Variants in NFKBIZ observed in about 807,000 individuals in gnomAD.
NFKBIZ encodes the protein NFKB inhibitor zeta.
Under a neutral mutation model 76.8 loss-of-function variants are expected in NFKBIZ, and 19 were observed. That is an observed-to-expected ratio of 0.25 (90% CI 0.17 to 0.36). The LOEUF (loss-of-function observed/expected upper bound fraction) is 0.36. NFKBIZ is among the 10% of genes least tolerant of loss of function. The probability of loss-of-function intolerance (pLI) is 1.00; values close to 1 mark genes in which losing one functional copy is unlikely to be tolerated. For synonymous variants in NFKBIZ, 368 were observed against 354.8 expected (o/e 1.04, Z -0.42); for missense variants, 829 against 910.9 (o/e 0.91, Z 1.16).
At chr3:101,833,791 A>G (rs564225354) in intron 2 of NFKBIZ, among the ~76,000 whole-genome samples, 3 of 152,330 alleles carry the variant, frequency 2.0e-5, no homozygotes, top group Admixed American at 1.3e-4. Flanking sequence ...CAGCATTTAG[A>G]TAAGAAAGGG....
At chr3:101,857,792 T>C in intron 11 of NFKBIZ, 2 of 985,376 alleles carry the variant, frequency 2.0e-6, no homozygotes, top group Middle Eastern at 5.2e-4. Context: ...AAGAGAATCT[T>C]AGTCTTGTAA....
rs1267998135 is a variant in NFKBIZ at position 101,860,896 on chromosome 3, G to T, written c.*1525G>T. On this transcript the variant is annotated 3_prime_UTR_variant, in exon 12 of 12. Coordinates refer to ENST00000326172, the MANE Select transcript of NFKBIZ (RefSeq NM_031419.4). ...AGATACCCTTTGGATTGATCACATT[G>T]TTTGACCCAGTATGTCTTGTAGACA... 6.7e-6 allele frequency: 1 copy of T among 150,268 alleles called. No homozygotes were observed. The highest frequency in any genetic ancestry group is 2.5e-5 in the African/African-American group (1 of 40,806). 9.3% of individuals were successfully genotyped at this position (150,268 alleles called of 1,614,324 possible). A position where few individuals can be genotyped will look rare whatever the true frequency, so the allele number is the denominator to read the frequency against.
In NFKBIZ at chr3:101,857,077, G is replaced by T. The variant is rs140077856; in HGVS notation, c.1829G>T (p.Arg610Leu). The T allele has an allele frequency of 5.9e-5, 94 of 1,602,572 alleles. No individual in the cohort carries two copies. Among genetic ancestry groups the T allele is most frequent in the Non-Finnish European group, 7.5e-5 (88 of 1,173,136 alleles). Residue 610 changes from arginine (R) to leucine (L), a missense_variant, in exon 10 of 12, where the codon CGC becomes CTC. Arg to Leu is a moderately radical substitution (Grantham distance 102). This residue lies in a region of NFKBIZ where 272 missense variants were observed against 384.2 expected (regional missense o/e 0.71). Coordinates refer to ENST00000326172, the MANE Select transcript of NFKBIZ (RefSeq NM_031419.4). ...CTCCCTCTTGCCTTTGACAAGGATC[G>T]CAAAAGTGGCCGCACAGCCCTGCAT... ...QMGAAVEAKD[R>L]KSGRTALHLA...
chr3:101,853,911 T>G, intron 5 of NFKBIZ, 48 bp downstream of exon 5: 1 of 1,555,118 alleles, frequency 6.4e-7, no homozygotes, highest in Non-Finnish European at 8.8e-7. Flanking sequence ...GCCACACTTG[T>G]TGGACTAGTG....
At chr3:101,843,768 C>T (rs908082469) in intron 2 of NFKBIZ, among the ~76,000 whole-genome samples, 3 of 152,094 alleles carry the variant, frequency 2.0e-5, no homozygotes, top group Non-Finnish European at 4.4e-5. Context: ...TTGCATTGTT[C>T]ATTTGGAAAT....
At chr3:101,857,650 A>T in intron 11 of NFKBIZ, 191 bp downstream of exon 11, 1 of 985,448 alleles carries the variant, frequency 1.0e-6, no homozygotes, top group African/African-American at 1.7e-5. Context: ...AAGAAATTTG[A>T]GGGATTATCC....
intron 6 of NFKBIZ, 91 bp downstream of exon 6, chr3:101,854,774 C>A: frequency 1.1e-6 from 1 of 908,838 alleles, no homozygotes; most frequent in Non-Finnish European, 1.7e-6. Flanking sequence ...TCTTAGAGCT[C>A]AAGATCAAGA....
intron 1 of NFKBIZ, chr3:101,850,261 C>G (rs961142288): frequency 4.2e-6 from 1 of 236,010 alleles, no homozygotes; most frequent in East Asian, 8.4e-5. Context: ...GATTTGGGGT[C>G]TGATGTAGGT....
chr3:101,828,681 AT>A (rs1472388398), intron 1 of NFKBIZ, among the ~76,000 whole-genome samples: 1 of 152,220 alleles, frequency 6.6e-6, no homozygotes, highest in South Asian at 2.1e-4. Context: ...TAAAATTAAA[AT>A]GTATGAATGG....
Position 101,849,819 on chromosome 3 carries a change from G to GCTCCGACTC in NFKBIZ, c.200_208dup (p.Ser67_Asp69dup), listed in dbSNP as rs1231347717. Reference sequence around the variant, plus strand: ...GGCCCCTCGGCGCCCGGCTCGCCCGGCTCCGACTCCTCCGACTTCTCCTCT... The same window carrying GCTCCGACTC: ...GGCCCCTCGGCGCCCGGCTCGCCCGGCTCCGACTCCTCCGACTCCTCCGACTTCTCCTCT... On this transcript the variant is annotated inframe_insertion, in exon 1 of 12. Coordinates refer to ENST00000326172, the MANE Select transcript of NFKBIZ (RefSeq NM_031419.4). The GCTCCGACTC allele has an allele frequency of 6.8e-7, 1 of 1,472,766 alleles. No individual in the cohort carries two copies. Among genetic ancestry groups the GCTCCGACTC allele is most frequent in the African/African-American group, 1.5e-5 (1 of 68,082 alleles). 91.2% of individuals were successfully genotyped at this position (1,472,766 alleles called of 1,614,324 possible). A position where few individuals can be genotyped will look rare whatever the true frequency, so the allele number is the denominator to read the frequency against.
At chr3:101,838,916 C>A (rs773835285) in intron 2 of NFKBIZ, among the ~76,000 whole-genome samples, 3 of 152,138 alleles carry the variant, frequency 2.0e-5, no homozygotes, top group Non-Finnish European at 4.4e-5. Context: ...ACCATTCTCC[C>A]AGCTGTTACA....
chr3:101,853,320 C>T lies in NFKBIZ; in HGVS notation c.794C>T (p.Pro265Leu). ...TTCCATGGAGGGCAGGTCTTTTCTCCACCTCAGAAATGCCAACCATTCCAA... is the reference window on the plus strand; with the variant it reads ...TTCCATGGAGGGCAGGTCTTTTCTCTACCTCAGAAATGCCAACCATTCCAA... ...QDFHGGQVFSPPQKCQPFQVR... is the reference protein window; with the variant it reads ...QDFHGGQVFSLPQKCQPFQVR... The change falls in exon 5 of 12, where the codon CCA becomes CTA. Residue 265 changes from proline to leucine, a missense_variant. Physicochemically the swap from Pro to Leu is moderately conservative, Grantham distance 98 (BLOSUM62 -3). Coordinates refer to ENST00000326172, the MANE Select transcript of NFKBIZ (RefSeq NM_031419.4). The T allele has an allele frequency of 2.5e-6, 4 of 1,614,158 alleles. No individual in the cohort carries two copies. The highest frequency in any genetic ancestry group is 2.2e-5 in the East Asian group (1 of 44,888).
intron 2 of NFKBIZ, among the ~76,000 whole-genome samples, chr3:101,836,419 A>G (rs1942721153): frequency 6.6e-6 from 1 of 152,206 alleles, no homozygotes; most frequent in Non-Finnish European, 1.5e-5. Context: ...TGCTTTTCTT[A>G]GCACATCATG....
intron 9 of NFKBIZ, chr3:101,856,839 C>A: frequency 2.4e-6 from 1 of 417,738 alleles, no homozygotes; most frequent in South Asian, 4.8e-5. Flanking sequence ...TATGGCCACC[C>A]TGTATAAAAA....
upstream of NFKBIZ, chr3:101,849,510 G>C (rs1576813152): frequency 2.3e-6 from 2 of 871,088 alleles, no homozygotes; most frequent in Non-Finnish European, 3.1e-6. Context: ...CCCGCGCCGC[G>C]CCCGTACTGG....
Position 101,849,706 on chromosome 3 carries a change from G to A in NFKBIZ, c.78G>A (p.Met26Ile), listed in dbSNP as rs753252484. The A allele has an allele frequency of 1.4e-6, 2 of 1,431,828 alleles. No individual in the cohort carries two copies. Among genetic ancestry groups the A allele is most frequent in the Non-Finnish European group, 1.8e-6 (2 of 1,098,598 alleles). The allele number at this position is 1,431,828 out of a possible 1,614,324, so 88.7% of individuals were successfully genotyped here. The change falls in exon 1 of 12, where the codon ATG (methionine) becomes ATA (isoleucine). Residue 26 changes from methionine to isoleucine, a missense_variant. By Grantham distance (10) the Met-to-Ile change is conservative. This residue lies in a region of NFKBIZ where 181 missense variants were observed against 175.3 expected (regional missense o/e 1.03). Transcript: ENST00000326172. ...LRDAAGGCGLMTSPLNLSYFY... is the reference protein window; with the variant it reads ...LRDAAGGCGLITSPLNLSYFY... ...ACGCGGCGGGCGGCTGCGGCCTCAT[G>A]ACCAGCCCGCTCAACCTGAGCTACT...
At chr3:101,849,361 AT>A (rs1245162757), upstream of NFKBIZ, 9 of 320,368 alleles carry the variant, frequency 2.8e-5, no homozygotes, top group Middle Eastern at 8.3e-4. Context: ...CGGAGGGCGC[AT>A]TGCCTCATCC....
Position 101,849,550 on chromosome 3 carries a change from T to C in NFKBIZ, c.-79T>C, listed in dbSNP as rs1199890754. ...CGCCGTCCGCCCGCCGACAGCTCCC[T>C]GAGCCAGCCCGGGAGGCAGCCGCGC... On this transcript the variant is annotated 5_prime_UTR_variant, in exon 1 of 12. Coordinates refer to ENST00000326172, the MANE Select transcript of NFKBIZ (RefSeq NM_031419.4). 9 of 1,234,444 alleles carry C rather than the reference T, an allele frequency of 7.3e-6. No individual in the cohort carries two copies. The Admixed American group carries it at 2.6e-4, about 35-fold the overall frequency. 76.5% of individuals were successfully genotyped at this position (1,234,444 alleles called of 1,614,324 possible). A position where few individuals can be genotyped will look rare whatever the true frequency, so the allele number is the denominator to read the frequency against.
In NFKBIZ at chr3:101,853,370, G is replaced by T; in HGVS notation, c.844G>T (p.Asp282Tyr). The change falls in exon 5 of 12, where the codon GAC (aspartate) becomes TAC (tyrosine). Residue 282 changes from aspartate to tyrosine, a missense_variant. Asp to Tyr is a radical substitution (Grantham distance 160, BLOSUM62 -3). This residue lies in a region of NFKBIZ where 371 missense variants were observed against 332.3 expected (regional missense o/e 1.12). Transcript: ENST00000326172. ...FQVRGSQQMI[D>Y]QASLYQYSPQ... ...AGTCAGGGGCTCCCAACAAATGATA[G>T]ACCAGGCTTCCCTGTACCAGTATTC... is the stretch of plus-strand genomic sequence containing the variant. 6.2e-7 allele frequency: 1 copy of T among 1,614,090 alleles called. No homozygotes were observed. The highest frequency in any genetic ancestry group is 8.5e-7 in the Non-Finnish European group (1 of 1,180,026).
Sources: gnomAD v4.1 joint callset for allele counts (sites outside exome capture counted in the v4.1 genomes callset) on GRCh38, gnomAD v4.1.1 for gene constraint, gnomAD v4.1.1 regional missense constraint, MANE v1.5 for transcripts, NCBI Gene and HGNC (gene_info 2026-07-23, HGNC 2026-07-21) for gene names.